The following CNKSR2 variants were observed in gnomAD, a reference collection of about 807,000 sequenced individuals.
CNKSR2 encodes the protein connector enhancer of kinase suppressor of Ras 2, also known as CNK homolog protein 2.
A neutral mutation model predicts 84.4 loss-of-function variants in CNKSR2; 14 were observed. The ratio of observed to expected loss-of-function variants is 0.17; its 90% CI spans 0.11 to 0.26. The LOEUF is 0.26. Ranked by LOEUF, CNKSR2 falls within the 10% of genes least tolerant of loss-of-function variation. CNKSR2 has a pLI of 1.00. For synonymous variants in CNKSR2, 275 were observed against 277.9 expected (o/e 0.99, Z 0.10); for missense variants, 485 against 771.2 (o/e 0.63, Z 4.40).
chrX:21,420,701 A>G (rs984011060), intron 1 of CNKSR2, among the ~76,000 whole-genome samples: 3 of 110,809 alleles, frequency 2.7e-5, no homozygotes, highest in Admixed American at 9.6e-5. Context: ...GGGCCTGGAA[A>G]GGGGCCCTCA....
chrX:21,470,792 T>C lies in CNKSR2; in HGVS notation c.546T>C (p.Asn182=). The change falls in exon 5 of 22, where the codon AAT becomes AAC. Residue 182 remains asparagine (N), a synonymous_variant. Transcript: ENST00000379510. ...QQDCTVYETE[N]KILHVCKTLS... is the part of the protein sequence containing the mutation. ...ATTGTACTGTATATGAAACAGAGAA[T>C]AAAATTCTTCACGTGGTGAGTATAC... 1 of 1,027,074 alleles carries C rather than the reference T, an allele frequency of 9.7e-7. No individual in the cohort carries two copies. Among genetic ancestry groups the C allele is most frequent in the Non-Finnish European group, 1.3e-6 (1 of 752,418 alleles). 84.6% of individuals were successfully genotyped at this position (1,027,074 alleles called of 1,213,427 possible).
chrX:21,487,700 T>C (rs1043736525), intron 5 of CNKSR2, among the ~76,000 whole-genome samples: 1 of 112,305 alleles, frequency 8.9e-6, no homozygotes. Context: ...ATTATTTTTC[T>C]TCCTGTCAAA....
chrX:21,524,204 A>G (rs982395744), intron 9 of CNKSR2, among the ~76,000 whole-genome samples: 2 of 110,948 alleles, frequency 1.8e-5, no homozygotes, highest in South Asian at 7.5e-4. Flanking sequence ...TGGTATTTCC[A>G]TGATAAACCA....
rs1275639428 is a variant in CNKSR2 at position 21,432,697 on chromosome X, G to A, written c.314G>A (p.Gly105Glu). 8.3e-7 allele frequency: 1 copy of A among 1,203,218 alleles called. No individual in the cohort carries two copies. The highest frequency in any genetic ancestry group is 2.2e-5 in the Admixed American group (1 of 45,030). Reference sequence around the variant, plus strand: ...AAAAATCTGCAGAATTTTATAACAGGAAGGAGAAGGAGTGGCCATTATGAT... The same window carrying A: ...AAAAATCTGCAGAATTTTATAACAGAAAGGAGAAGGAGTGGCCATTATGAT... ...SAKNLQNFIT[G>E]RRRSGHYDGR... The change falls in exon 3 of 22, where the codon GGA (glycine) becomes GAA (glutamate). Residue 105 changes from glycine to glutamate, a missense_variant. This residue lies in a region of CNKSR2 where 109 missense variants were observed against 197.5 expected (regional missense o/e 0.55). Coordinates refer to ENST00000379510, the MANE Select transcript of CNKSR2 (RefSeq NM_014927.5).
intron 1 of CNKSR2, among the ~76,000 whole-genome samples, chrX:21,409,863 T>TC (rs2090318387): frequency 9.0e-6 from 1 of 111,651 alleles, no homozygotes; most frequent in African/African-American, 3.2e-5. Context: ...ATAGACTTTT[T>TC]CTCTCCATTT....
intron 14 of CNKSR2, 53 bp from the exon 15 acceptor site, chrX:21,590,969 A>T (rs2147249733): frequency 9.5e-7 from 1 of 1,054,132 alleles, no homozygotes; most frequent in Non-Finnish European, 1.3e-6. Flanking sequence ...CTATAGATTA[A>T]TCCTCTACTT....
chrX:21,600,880 C>T (rs185265045), intron 17 of CNKSR2, among the ~76,000 whole-genome samples: 39 of 112,207 alleles, frequency 3.5e-4, no homozygotes, highest in African/African-American at 1.2e-3. Flanking sequence ...AGGTCCATAA[C>T]TTTTTTCCCT....
intron 10 of CNKSR2, 47 bp from the exon 11 acceptor site, chrX:21,531,809 C>T: frequency 1.1e-6 from 1 of 927,039 alleles, no homozygotes. Flanking sequence ...CCATTTACTA[C>T]CCTAACATGT....
intron 20 of CNKSR2, among the ~76,000 whole-genome samples, chrX:21,624,390 T>C (rs1400198621): frequency 8.9e-6 from 1 of 112,039 alleles, no homozygotes. Context: ...TTGAGTGTAG[T>C]GTTTAAAATG....
intron 20 of CNKSR2, among the ~76,000 whole-genome samples, chrX:21,611,717 A>G (rs915151185): frequency 8.9e-6 from 1 of 111,926 alleles, no homozygotes; most frequent in Non-Finnish European, 1.9e-5. Flanking sequence ...GTGGGTAGTT[A>G]TTCAGTGCTT....
At chrX:21,640,264 G>C (rs2092687267) in intron 20 of CNKSR2, among the ~76,000 whole-genome samples, 1 of 111,726 alleles carries the variant, frequency 9.0e-6, no homozygotes, top group Non-Finnish European at 1.9e-5. Context: ...GAATTGCTTA[G>C]ATAAATTAAG....
intron 13 of CNKSR2, among the ~76,000 whole-genome samples, chrX:21,577,151 A>G (rs2092324413): frequency 8.9e-6 from 1 of 111,869 alleles, no homozygotes; most frequent in Non-Finnish European, 1.9e-5. Flanking sequence ...CTAAACAAAC[A>G]AAAAGATTCA....
chrX:21,440,094 T>C (rs1569169507), intron 3 of CNKSR2, among the ~76,000 whole-genome samples: 1 of 111,653 alleles, frequency 9.0e-6, no homozygotes, highest in East Asian at 2.8e-4. Flanking sequence ...GATACATCAG[T>C]ATACAGGTCC....
At chrX:21,404,753 T>G (rs1198920778) in intron 1 of CNKSR2, among the ~76,000 whole-genome samples, 2 of 90,858 alleles carry the variant, frequency 2.2e-5, no homozygotes, top group African/African-American at 8.9e-5. Context: ...TGTGCCACTG[T>G]ACTCCAGCCT....
chrX:21,601,142 G>A lies in CNKSR2; in HGVS notation c.1977-140G>A, dbSNP rs1301180952. The A allele has an allele frequency of 1.1e-5, 4 of 379,055 alleles. No individual in the cohort carries two copies. In the East Asian group the frequency reaches 1.8e-4, roughly 17 times the overall value. The allele number at this position is 379,055 out of a possible 1,213,427, so 31.2% of individuals were successfully genotyped here. A position where few individuals can be genotyped will look rare whatever the true frequency, so the allele number is the denominator to read the frequency against. ...AATTGTATCTCATTAAAGATTCTAT[G>A]TATCAATAGTAGCAAAGAACACATC... On this transcript the variant is annotated intron_variant, in intron 17 of 21. Transcript: ENST00000379510.
Position 21,432,619 on chromosome X carries a change from G to A in CNKSR2, c.236G>A (p.Gly79Asp), listed in dbSNP as rs752929026. ...CTCTTTTTTATAATTCAGAATTATG[G>A]CTTGGAAACAGAAAATCTAAAAACC... ...AVDLLCALNYGLETENLKTLS... is the reference protein window; with the variant it reads ...AVDLLCALNYDLETENLKTLS... The change falls in exon 3 of 22, where the codon GGC (glycine) becomes GAC (aspartate). Residue 79 changes from glycine (G) to aspartate (D), a missense_variant. By Grantham distance (94) the Gly-to-Asp change is moderately conservative. Around this residue, in one of 5 missense-constraint regions of CNKSR2, gnomAD observed 109 missense variants for 197.5 expected, o/e 0.55. Transcript: ENST00000379510. 8.7e-7 allele frequency: 1 copy of A among 1,145,523 alleles called. No individual in the cohort carries two copies. Among genetic ancestry groups the A allele is most frequent in the Non-Finnish European group, 1.2e-6 (1 of 846,471 alleles). 94.4% of individuals were successfully genotyped at this position (1,145,523 alleles called of 1,213,427 possible). A position where few individuals can be genotyped will look rare whatever the true frequency, so the allele number is the denominator to read the frequency against.
At chrX:21,468,256 CTAAT>C (rs1487850492) in intron 4 of CNKSR2, among the ~76,000 whole-genome samples, 1 of 110,384 alleles carries the variant, frequency 9.1e-6, no homozygotes, top group African/African-American at 3.3e-5. Flanking sequence ...TTTATATTGT[CTAAT>C]TAATTTAGTA....
intron 20 of CNKSR2, among the ~76,000 whole-genome samples, chrX:21,631,351 C>G (rs1018515129): frequency 3.6e-5 from 4 of 111,926 alleles, no homozygotes; most frequent in African/African-American, 1.3e-4. Flanking sequence ...AAATAATTCC[C>G]AAGAATTAAG....
chrX:21,503,873 T>G (rs1381496191), intron 8 of CNKSR2: 1 of 111,246 alleles, frequency 9.0e-6, no homozygotes, highest in Non-Finnish European at 1.9e-5. Flanking sequence ...AGGAGCTCAA[T>G]AACAACTTTG....
Sources: gnomAD v4.1 joint callset for allele counts (sites outside exome capture counted in the v4.1 genomes callset) on GRCh38, gnomAD v4.1.1 for gene constraint, gnomAD v4.1.1 regional missense constraint, MANE v1.5 for transcripts, NCBI Gene and HGNC (gene_info 2026-07-23, HGNC 2026-07-21) for gene names.